Variants in C8A observed in about 807,000 individuals in gnomAD.
C8A encodes the protein complement component C8 alpha chain.
In C8A, 67 loss-of-function variants were observed where a neutral mutation model predicts 65.3. The observed-to-expected ratio is 1.03, with a 90% CI of 0.84 to 1.26. C8A has a LOEUF of 1.26. Ranked by LOEUF, C8A falls within the 50% of genes most tolerant of loss-of-function variation. C8A has a pLI of 0.00. For missense variants in C8A, 781 were observed against 723.9 expected, an observed-to-expected ratio of 1.08 and a Z score of -0.90; for synonymous variants, 290 against 259.4, an observed-to-expected ratio of 1.12 and a Z score of -1.13.
At chr1:56,886,455 G>T (rs745957399) in intron 7 of C8A, among the ~76,000 whole-genome samples, 1 of 152,130 alleles carries the variant, frequency 6.6e-6, no homozygotes, top group African/African-American at 2.4e-5. Flanking sequence ...TAATTGGGGG[G>T]ATTTTGTTAT....
intron 4 of C8A, among the ~76,000 whole-genome samples, chr1:56,878,015 T>C (rs1395287373): frequency 6.6e-6 from 1 of 152,212 alleles, no homozygotes; most frequent in Non-Finnish European, 1.5e-5. Flanking sequence ...AGAAATTTAC[T>C]TTCTCACAAT....
intron 7 of C8A, among the ~76,000 whole-genome samples, chr1:56,890,615 G>A (rs542499295): frequency 6.6e-6 from 1 of 152,168 alleles, no homozygotes; most frequent in South Asian, 2.1e-4. Context: ...GAGTATGGTG[G>A]TCTCTTATTC....
chr1:56,908,125 C>T lies in C8A; in HGVS notation c.1380+12C>T, dbSNP rs776641680. The T allele has an allele frequency of 1.7e-5, 27 of 1,613,620 alleles. No individual in the cohort carries two copies. The East Asian group carries it at 1.8e-4, about 11-fold the overall frequency. On this transcript the variant is annotated intron_variant, in intron 9 of 10. Transcript: ENST00000361249. The stretch of plus-strand genomic sequence containing the variant: ...TTATCGATTTTGAGGTAAGTCTTTT[C>T]GCAGTTGAAGAAACTCTACGTCCAT...
chr1:56,878,692 A>C (rs542108081), intron 4 of C8A, among the ~76,000 whole-genome samples: 2 of 152,272 alleles, frequency 1.3e-5, no homozygotes, highest in African/African-American at 2.4e-5. Flanking sequence ...TACATGTTTG[A>C]AATAAAAATT....
At position 56,906,756 on chromosome 1, in the gene C8A, G is replaced by A. The variant is rs374941732; in HGVS notation, c.1186G>A (p.Gly396Arg). Reference protein sequence around the residue: ...DKINVGGGLSGDHCKKFGGGK... With the variant: ...DKINVGGGLSRDHCKKFGGGK... ...AATAAATGTTGGTGGAGGTTTATCAGGAGACCATTGTAAAAAATTTGGAGG... is the reference window on the plus strand; with the variant it reads ...AATAAATGTTGGTGGAGGTTTATCAAGAGACCATTGTAAAAAATTTGGAGG... The change falls in exon 8 of 11, where the codon GGA (glycine) becomes AGA (arginine). Residue 396 changes from glycine to arginine, a missense_variant. Coordinates refer to ENST00000361249, the MANE Select transcript of C8A (RefSeq NM_000562.3). 1 of 1,614,084 alleles carries A rather than the reference G, an allele frequency of 6.2e-7. No homozygotes were observed. The highest frequency in any genetic ancestry group is 1.1e-5 in the South Asian group (1 of 91,078).
intron 2 of C8A, among the ~76,000 whole-genome samples, chr1:56,870,999 C>T (rs1417945995): frequency 1.3e-5 from 2 of 152,094 alleles, no homozygotes; most frequent in African/African-American, 2.4e-5. Flanking sequence ...ATATTGGCAC[C>T]AACCTTCCTG....
At position 56,874,954 on chromosome 1, in the gene C8A, A is replaced by G. The variant is rs1644183614; in HGVS notation, c.177A>G (p.Arg59=). Reference sequence around the variant, plus strand: ...TTGTTCAAAATCTGGTTTAGTACCGACACCGGAGCCTCTTGCAGCCAAACA... The same window carrying G: ...TTGTTCAAAATCTGGTTTAGTACCGGCACCGGAGCCTCTTGCAGCCAAACA... ...DCFPCQDKKY[R]HRSLLQPNKF... The change falls in exon 3 of 11, where the codon CGA becomes CGG. Residue 59 remains arginine, a synonymous_variant. Coordinates refer to ENST00000361249, the MANE Select transcript of C8A (RefSeq NM_000562.3). 6.8e-6 allele frequency: 11 copies of G among 1,613,604 alleles called. No homozygotes were observed. The highest frequency in any genetic ancestry group is 1.7e-5 in the Admixed American group (1 of 59,984).
intron 10 of C8A, among the ~76,000 whole-genome samples, chr1:56,916,380 G>C (rs1337848278): frequency 9.2e-5 from 14 of 152,188 alleles, no homozygotes; most frequent in Admixed American, 9.2e-4. Context: ...GAAGTCTGAG[G>C]CAGGGCAGTC....
At chr1:56,917,450 G>T (rs1270871554) in intron 10 of C8A, 115 bp from the exon 11 acceptor site, 10 of 1,024,516 alleles carry the variant, frequency 9.8e-6, no homozygotes, top group Admixed American at 1.8e-5. Flanking sequence ...CCAGAGGAGG[G>T]GAGGCCAGTT....
chr1:56,892,403 AG>A (rs1644353788), intron 7 of C8A, among the ~76,000 whole-genome samples: 1 of 152,258 alleles, frequency 6.6e-6, no homozygotes, highest in East Asian at 1.9e-4. Flanking sequence ...GAAGGAAACA[AG>A]GCAAAAAAGT....
intron 6 of C8A, among the ~76,000 whole-genome samples, chr1:56,884,086 A>T (rs1000134929): frequency 4.0e-5 from 6 of 148,658 alleles, no homozygotes; most frequent in African/African-American, 7.6e-5. Flanking sequence ...AAAAAAAAAA[A>T]TTTCATTTTT....
Position 56,911,065 on chromosome 1 carries a change from G to GTTTTTTTT in C8A, c.1381-1329_1381-1322dup, listed in dbSNP as rs11325191. Among the ~76,000 whole-genome samples the GTTTTTTTT allele has an allele frequency of 3.4e-3, 479 of 141,828 alleles. 12 individuals are homozygous for GTTTTTTTT. The South Asian group carries it at 0.049, about 15-fold the overall frequency. 93.0% of individuals were successfully genotyped at this position (141,828 alleles called of 152,430 possible). A position where few individuals can be genotyped will look rare whatever the true frequency, so the allele number is the denominator to read the frequency against. ...TATGCATGCAATTTGAAAAACATGG[G>GTTTTTTTT]TTTTTTTTTTTTTTTTACTATTATC... is the stretch of plus-strand genomic sequence containing the variant. On this transcript the variant is annotated intron_variant, in intron 9 of 10. Transcript: ENST00000361249.
chr1:56,897,682 G>T (rs1227463005), intron 7 of C8A, among the ~76,000 whole-genome samples: 1 of 152,190 alleles, frequency 6.6e-6, no homozygotes, highest in Non-Finnish European at 1.5e-5. Flanking sequence ...ATCATGGCTG[G>T]TTGTTTGATT....
At chr1:56,855,311 T>C (rs1487827886) in intron 1 of C8A, among the ~76,000 whole-genome samples, 2 of 152,182 alleles carry the variant, frequency 1.3e-5, no homozygotes, top group Non-Finnish European at 2.9e-5. Context: ...AGATCCTGAA[T>C]ATAAAATGTA....
At chr1:56,894,995 A>G (rs1443413954) in intron 7 of C8A, among the ~76,000 whole-genome samples, 2 of 152,184 alleles carry the variant, frequency 1.3e-5, no homozygotes, top group East Asian at 3.9e-4. Flanking sequence ...AGCATAACAC[A>G]TCTGGCATTC....
intron 8 of C8A, among the ~76,000 whole-genome samples, chr1:56,907,059 G>C (rs1644472089): frequency 6.6e-6 from 1 of 152,148 alleles, no homozygotes; most frequent in African/African-American, 2.4e-5. Context: ...GTAAGAACTA[G>C]AATGAAAGGA....
chr1:56,886,285 C>A, intron 7 of C8A, 118 bp downstream of exon 7: 1 of 1,186,350 alleles, frequency 8.4e-7, no homozygotes, highest in Non-Finnish European at 1.2e-6. Flanking sequence ...TTTAGGACAA[C>A]TCTATAGGAT....
intron 7 of C8A, among the ~76,000 whole-genome samples, chr1:56,893,199 C>T (rs1398376755): frequency 6.6e-6 from 1 of 151,974 alleles, no homozygotes; most frequent in Non-Finnish European, 1.5e-5. Flanking sequence ...GTCATAACTA[C>T]TTTAAAAGTC....
intron 10 of C8A, among the ~76,000 whole-genome samples, chr1:56,916,572 G>A (rs904076710): frequency 2.6e-5 from 4 of 152,210 alleles, no homozygotes; most frequent in African/African-American, 9.6e-5. Flanking sequence ...TAGTCACACT[G>A]TGATCTGAGG....
Sources: gnomAD v4.1 joint callset for allele counts (sites outside exome capture counted in the v4.1 genomes callset) on GRCh38, gnomAD v4.1.1 for gene constraint, MANE v1.5 for transcripts, NCBI Gene and HGNC (gene_info 2026-07-23, HGNC 2026-07-21) for gene names.